VIP: variants seen among roughly 807,000 people sequenced by gnomAD.
VIP encodes the protein vasoactive intestinal peptide.
Under a neutral mutation model 20.1 loss-of-function variants are expected in VIP, and 18 were observed. The ratio of observed to expected loss-of-function variants is 0.90; its 90% CI spans 0.62 to 1.33. The LOEUF (loss-of-function observed/expected upper bound fraction) is 1.33. VIP is among the 40% of genes most tolerant of loss of function. The probability of loss-of-function intolerance (pLI) is 0.00; values close to 1 mark genes in which losing one functional copy is unlikely to be tolerated. For missense variants in VIP, 209 were observed against 199.4 expected (o/e 1.05, Z -0.29); for synonymous variants, 70 against 68.1 (o/e 1.03, Z -0.14).
Position 152,752,222 on chromosome 6 carries a change from T to C in VIP, c.45T>C (p.Leu15=). 1 of 1,613,626 alleles carries C rather than the reference T, an allele frequency of 6.2e-7. No individual in the cohort carries two copies. The highest frequency in any genetic ancestry group is 8.5e-7 in the Non-Finnish European group (1 of 1,179,652). The change falls in exon 2 of 7, where the codon CTT becomes CTC. Residue 15 remains leucine (L), a synonymous_variant. Coordinates refer to ENST00000367244, the MANE Select transcript of VIP (RefSeq NM_003381.4). ...NKAQLLVLLT[L]LSVLFSQTSA... is the part of the protein sequence containing the mutation. ...CCCAGCTCCTTGTGCTCCTGACTCT[T>C]CTCAGTGTGCTCTTCTCACAGACTT...
intron 4 of VIP, 84 bp from the exon 5 acceptor site, chr6:152,756,050 T>C: frequency 7.3e-7 from 1 of 1,378,852 alleles, no homozygotes; most frequent in Non-Finnish European, 9.5e-7. Context: ...TTGCTTTTTA[T>C]GTGGCTCCAA....
At chr6:152,757,804 A>T (rs1352517034) in intron 6 of VIP, among the ~76,000 whole-genome samples, 4 of 152,026 alleles carry the variant, frequency 2.6e-5, no homozygotes, top group African/African-American at 9.7e-5. Context: ...AAACATGGAT[A>T]GACTTTTTTT....
chr6:152,754,921 A>T (rs1263179672), intron 3 of VIP, among the ~76,000 whole-genome samples: 2 of 151,986 alleles, frequency 1.3e-5, no homozygotes, highest in Non-Finnish European at 2.9e-5. Flanking sequence ...GACACAAAGC[A>T]CCATGTACAA....
intron 2 of VIP, 145 bp from the exon 3 acceptor site, chr6:152,754,021 C>T (rs1431729156): frequency 1.2e-6 from 1 of 827,676 alleles, no homozygotes; most frequent in Non-Finnish European, 1.8e-6. Context: ...CTATATGAGC[C>T]ATTAAGTCAA....
intron 4 of VIP, among the ~76,000 whole-genome samples, chr6:152,755,575 A>G (rs1030201813): frequency 9.2e-5 from 14 of 151,922 alleles, no homozygotes; most frequent in African/African-American, 3.4e-4. Flanking sequence ...TATCATATTC[A>G]TTGACTCCAG....
intron 4 of VIP, among the ~76,000 whole-genome samples, chr6:152,755,897 T>C (rs2099730358): frequency 6.6e-6 from 1 of 151,940 alleles, no homozygotes; most frequent in Non-Finnish European, 1.5e-5. Flanking sequence ...GATGAATTAT[T>C]TGCTCAGCTG....
At position 152,759,346 on chromosome 6, in the gene VIP, T is replaced by C. The variant is rs537177539; in HGVS notation, c.*480T>C. The stretch of plus-strand genomic sequence containing the variant: ...ATGCTGTGTTAAATAAACCTCAAAA[T>C]GTCTAAGATAGTAACAATGAAGATA... On this transcript the variant is annotated 3_prime_UTR_variant, in exon 7 of 7. Coordinates refer to ENST00000367244, the MANE Select transcript of VIP (RefSeq NM_003381.4). 1.1e-4 allele frequency: 16 copies of C among 152,140 alleles called. No individual in the cohort carries two copies. In the South Asian group the frequency reaches 2.9e-3, roughly 28 times the overall value. The allele number at this position is 152,140 out of a possible 1,614,324, so 9.4% of individuals were successfully genotyped here.
intron 5 of VIP, among the ~76,000 whole-genome samples, chr6:152,756,744 T>C (rs1001875270): frequency 6.6e-5 from 10 of 152,028 alleles, no homozygotes; most frequent in Admixed American, 1.3e-4. Flanking sequence ...GTAAAATCTA[T>C]ATCTCTCTAT....
intron 2 of VIP, among the ~76,000 whole-genome samples, chr6:152,752,837 CTTTG>C (rs1324399346): frequency 1.3e-5 from 2 of 151,974 alleles, no homozygotes; most frequent in Admixed American, 6.6e-5. Flanking sequence ...TTTTGATATA[CTTTG>C]TTTGGACCAT....
In VIP at chr6:152,759,632, A is replaced by G. The variant is rs577905249; in HGVS notation, c.*766A>G. 78 of 152,090 alleles carry G rather than the reference A, an allele frequency of 5.1e-4. No homozygotes were observed. Among genetic ancestry groups the G allele is most frequent in the African/African-American group, 1.7e-3 (71 of 41,534 alleles). 9.4% of individuals were successfully genotyped at this position (152,090 alleles called of 1,614,324 possible). A position where few individuals can be genotyped will look rare whatever the true frequency, so the allele number is the denominator to read the frequency against. ...GTTCAATAATAAATATTTTTGCCAT[A>G]ATGACTCAGAATATTGCTTTGGTCA... On this transcript the variant is annotated 3_prime_UTR_variant, in exon 7 of 7. Transcript: ENST00000367244.
intron 5 of VIP, 116 bp from the exon 6 acceptor site, chr6:152,756,980 C>T (rs2099730521): frequency 1.2e-6 from 1 of 855,966 alleles, no homozygotes; most frequent in South Asian, 2.1e-5. Context: ...AATTGTTTAG[C>T]CTCCCCATAC....
chr6:152,751,357 G>A (rs2099729601), intron 1 of VIP, among the ~76,000 whole-genome samples: 2 of 151,970 alleles, frequency 1.3e-5, no homozygotes, highest in South Asian at 4.2e-4. Context: ...AATCTAAGAT[G>A]CATTTATTTT....
intron 5 of VIP, 24 bp from the exon 6 acceptor site, chr6:152,757,072 G>C (rs1250775732): frequency 9.3e-6 from 15 of 1,610,666 alleles, no homozygotes; most frequent in African/African-American, 2.7e-5. Context: ...GCCTTAATAT[G>C]TACAATGTTT....
At chr6:152,755,085 T>C (rs2099730212) in intron 3 of VIP, among the ~76,000 whole-genome samples, 184 bp from the exon 4 acceptor site, 1 of 151,944 alleles carries the variant, frequency 6.6e-6, no homozygotes, top group South Asian at 2.1e-4. Context: ...ATATAGGGTA[T>C]ATCTTGATAT....
chr6:152,756,168 C>T lies in VIP; in HGVS notation c.370C>T (p.Arg124Cys), dbSNP rs772117174. The T allele has an allele frequency of 1.9e-6, 3 of 1,611,134 alleles. No individual in the cohort carries two copies. Among genetic ancestry groups the T allele is most frequent in the East Asian group, 2.2e-5 (1 of 44,810 alleles). ...CTCAGAAGACCCTGTACCAGTCAAA[C>T]GTCACTCAGATGCAGTCTTCACTGA... ...NISEDPVPVK[R>C]HSDAVFTDNY... is the part of the protein sequence containing the mutation. Residue 124 changes from arginine to cysteine, a missense_variant, in exon 5 of 7, where the codon CGT becomes TGT. Arg to Cys is a radical substitution (Grantham distance 180). Transcript: ENST00000367244.
intron 5 of VIP, among the ~76,000 whole-genome samples, chr6:152,756,598 C>T (rs911438037): frequency 6.6e-6 from 1 of 151,902 alleles, no homozygotes; most frequent in Non-Finnish European, 1.5e-5. Flanking sequence ...CAAGTTTCAT[C>T]AAAAGTGATG....
At chr6:152,754,370 T>A in intron 3 of VIP, 82 bp downstream of exon 3, 1 of 1,359,712 alleles carries the variant, frequency 7.4e-7, no homozygotes, top group Non-Finnish European at 1.0e-6. Context: ...TTATTTTATC[T>A]CACCATGAAG....
In VIP at chr6:152,759,096, C is replaced by G. The variant is rs2099730838; in HGVS notation, c.*230C>G. ...AGTATTTGAGAGTTCTAAATTTTGT[C>G]TTTAACTCATAAAAAGCCTGCAATT... On this transcript the variant is annotated 3_prime_UTR_variant, in exon 7 of 7. Coordinates refer to ENST00000367244, the MANE Select transcript of VIP (RefSeq NM_003381.4). The G allele has an allele frequency of 6.6e-6, 1 of 152,300 alleles. No homozygotes were observed. The highest frequency in any genetic ancestry group is 6.6e-5 in the Admixed American group (1 of 15,190). 9.4% of individuals were successfully genotyped at this position (152,300 alleles called of 1,614,324 possible). A position where few individuals can be genotyped will look rare whatever the true frequency, so the allele number is the denominator to read the frequency against.
intron 4 of VIP, 76 bp from the exon 5 acceptor site, chr6:152,756,058 C>CGTATCATT: frequency 7.2e-7 from 1 of 1,385,674 alleles, no homozygotes; most frequent in South Asian, 2.0e-5. Context: ...TATGTGGCTC[C>CGTATCATT]AAGAAACCTG....
Sources: allele counts gnomAD v4.1 joint callset (sites outside exome capture counted in the v4.1 genomes callset), GRCh38; gene constraint gnomAD v4.1.1; transcripts MANE v1.5; gene names NCBI Gene and HGNC (gene_info 2026-07-23, HGNC 2026-07-21).